Variants in CDH23 observed in about 807,000 individuals in gnomAD.
The protein encoded by CDH23 is cadherin related 23.
In CDH23, 189 loss-of-function variants were observed where a neutral mutation model predicts 317.1. The ratio of observed to expected loss-of-function variants is 0.60; its 90% CI spans 0.53 to 0.67. The LOEUF (loss-of-function observed/expected upper bound fraction) is 0.67, where lower values mean the gene tolerates loss of function less well. Among genes scored for constraint, CDH23 ranks in the 30% least tolerant of loss-of-function variants. The pLI is 0.00. For missense variants in CDH23, 4,401 were observed against 4,592.4 expected, an observed-to-expected ratio of 0.96 and a Z score of 1.20; for synonymous variants, 1,839 against 1,876.8, an observed-to-expected ratio of 0.98 and a Z score of 0.52.
At chr10:71,731,100 G>A (rs920224799) in intron 31 of CDH23, among the ~76,000 whole-genome samples, 2 of 152,238 alleles carry the variant, frequency 1.3e-5, no homozygotes, top group African/African-American at 4.8e-5. Flanking sequence ...ACCTTGCTGA[G>A]GGCCCAAGCC....
At chr10:71,658,297 A>T (rs1863502567) in intron 14 of CDH23, among the ~76,000 whole-genome samples, 1 of 152,050 alleles carries the variant, frequency 6.6e-6, no homozygotes, top group South Asian at 2.1e-4. Flanking sequence ...AGAGATGGAG[A>T]GAGAGAGAGA....
At chr10:71,702,847 A>G (rs1865643783) in intron 24 of CDH23, among the ~76,000 whole-genome samples, 153 bp downstream of exon 24, 1 of 152,150 alleles carries the variant, frequency 6.6e-6, no homozygotes, top group East Asian at 1.9e-4. Flanking sequence ...GAAGTGTGGC[A>G]GGAAAAGGAT....
intron 38 of CDH23, among the ~76,000 whole-genome samples, chr10:71,769,579 A>G (rs941442041): frequency 6.6e-6 from 1 of 152,248 alleles, no homozygotes; most frequent in Non-Finnish European, 1.5e-5. Context: ...ACCATCATGG[A>G]ATTAACCTTC....
intron 41 of CDH23, 82 bp downstream of exon 41, chr10:71,779,529 G>A (rs1840900590): frequency 2.5e-6 from 3 of 1,217,020 alleles, no homozygotes; most frequent in Admixed American, 2.7e-5. Flanking sequence ...AGGTCTCAAG[G>A]CATTTGGCCT....
At chr10:71,807,152 C>T in intron 57 of CDH23, 125 bp from the exon 58 acceptor site, 3 of 1,204,624 alleles carry the variant, frequency 2.5e-6, no homozygotes, top group East Asian at 5.1e-5. Context: ...TTCTACTCAC[C>T]CCATAAGGCC....
chr10:71,606,925 G>A (rs1358790063), intron 9 of CDH23, among the ~76,000 whole-genome samples: 6 of 152,136 alleles, frequency 3.9e-5, no homozygotes, highest in Non-Finnish European at 7.4e-5. Flanking sequence ...GCAGACTCTC[G>A]GCAGGCTGGT....
In CDH23 at chr10:71,811,345, G is replaced by A. The variant is rs768198017; in HGVS notation, c.9108G>A (p.Glu3036=). The A allele has an allele frequency of 3.7e-6, 6 of 1,613,800 alleles. No homozygotes were observed. The highest frequency in any genetic ancestry group is 2.7e-5 in the African/African-American group (2 of 74,902). ...RVIQMIDENK[E]QLRNLFRNYN... Reference sequence around the variant, plus strand: ...TCCAGATGATCGATGAGAACAAGGAGCAGCTACGGAATCTTTTCCGGAACT... The same window carrying A: ...TCCAGATGATCGATGAGAACAAGGAACAGCTACGGAATCTTTTCCGGAACT... Residue 3036 remains glutamate (E), a synonymous_variant, in exon 63 of 70, where the codon GAG becomes GAA. Coordinates refer to ENST00000224721, the MANE Select transcript of CDH23 (RefSeq NM_022124.6).
chr10:71,554,985 G>T (rs1351734847), intron 6 of CDH23, among the ~76,000 whole-genome samples: 1 of 152,128 alleles, frequency 6.6e-6, no homozygotes, highest in Non-Finnish European at 1.5e-5. Context: ...AGGCCAGTGT[G>T]CATGGAGAGG....
intron 9 of CDH23, among the ~76,000 whole-genome samples, chr10:71,614,379 G>T (rs1673128734): frequency 6.6e-6 from 1 of 152,250 alleles, no homozygotes; most frequent in African/African-American, 2.4e-5. Context: ...AAACTGGTTT[G>T]TGAAGAAGAC....
Position 71,806,380 on chromosome 10 carries a change from T to C in CDH23, c.8178+99T>C, listed in dbSNP as rs1014295386. 15 of 829,392 alleles carry C rather than the reference T, an allele frequency of 1.8e-5. No individual in the cohort carries two copies. The African/African-American group carries it at 2.4e-4, about 13-fold the overall frequency. 51.4% of individuals were successfully genotyped at this position (829,392 alleles called of 1,614,324 possible). A position where few individuals can be genotyped will look rare whatever the true frequency, so the allele number is the denominator to read the frequency against. ...TATACACTGTGCCAGAATACACATT[T>C]GGCTAGACACGGAAACATGTCTGCA... is the stretch of plus-strand genomic sequence containing the variant. On this transcript the variant is annotated intron_variant, in intron 57 of 69. Coordinates refer to ENST00000224721, the MANE Select transcript of CDH23 (RefSeq NM_022124.6).
At chr10:71,757,635 G>A (rs1228345085) in intron 38 of CDH23, 1 of 152,034 alleles carries the variant, frequency 6.6e-6, no homozygotes, top group African/African-American at 2.4e-5. Context: ...GGTAGCTGCC[G>A]ACACCGCACT....
intron 40 of CDH23, 138 bp downstream of exon 40, chr10:71,778,446 C>T (rs1320171406): frequency 8.7e-7 from 1 of 1,146,430 alleles, no homozygotes; most frequent in African/African-American, 1.5e-5. Flanking sequence ...GTCCTAATCT[C>T]AGCAACTCAC....
At chr10:71,527,554 C>G (rs1391156878) in intron 6 of CDH23, among the ~76,000 whole-genome samples, 1 of 152,192 alleles carries the variant, frequency 6.6e-6, no homozygotes, top group East Asian at 1.9e-4. Context: ...CAGTTCATGG[C>G]CTGGATGCTT....
chr10:71,432,984 G>A (rs1028575979), intron 1 of CDH23, among the ~76,000 whole-genome samples: 2 of 152,202 alleles, frequency 1.3e-5, no homozygotes, highest in South Asian at 2.1e-4. Flanking sequence ...GGGAGAGAAC[G>A]TCTAATCAGG....
At chr10:71,730,797 C>T (rs1335757123) in intron 31 of CDH23, among the ~76,000 whole-genome samples, 193 bp downstream of exon 31, 1 of 152,232 alleles carries the variant, frequency 6.6e-6, no homozygotes, top group Non-Finnish European at 1.5e-5. Flanking sequence ...GGGTTGGAAT[C>T]AGGGAGAGTT....
chr10:71,699,965 G>A (rs556302909), intron 22 of CDH23, among the ~76,000 whole-genome samples: 1 of 152,332 alleles, frequency 6.6e-6, no homozygotes, highest in East Asian at 1.9e-4. Context: ...GGGAATGGAA[G>A]AGGAGAAACC....
chr10:71,773,545 G>C (rs542932490), intron 38 of CDH23: 1 of 1,156,220 alleles, frequency 8.6e-7, no homozygotes, highest in Non-Finnish European at 1.2e-6. Flanking sequence ...GAGCGCTGCG[G>C]GCGGCCCCAG....
chr10:71,587,760 C>T (rs1859182215), intron 9 of CDH23, among the ~76,000 whole-genome samples: 1 of 152,244 alleles, frequency 6.6e-6, no homozygotes, highest in Non-Finnish European at 1.5e-5. Flanking sequence ...AGATTCCCAG[C>T]TCCCTTTTTC....
chr10:71,763,926 G>T (rs916069861), intron 38 of CDH23, among the ~76,000 whole-genome samples: 3 of 152,202 alleles, frequency 2.0e-5, no homozygotes, highest in Non-Finnish European at 2.9e-5. Context: ...GTTTAAAGGA[G>T]AGTCTCCAAA....
Sources: gnomAD v4.1 joint callset for allele counts (sites outside exome capture counted in the v4.1 genomes callset) on GRCh38, gnomAD v4.1.1 for gene constraint, MANE v1.5 for transcripts, NCBI Gene and HGNC (gene_info 2026-07-23, HGNC 2026-07-21) for gene names.